Variants in VPS13A observed in about 807,000 individuals in gnomAD.
VPS13A encodes vacuolar protein sorting 13 homolog A, also known as intermembrane lipid transfer protein VPS13A.
In VPS13A, 264 loss-of-function variants were observed where a neutral mutation model predicts 390.9. The ratio of observed to expected loss-of-function variants is 0.68; its 90% CI spans 0.61 to 0.75. The LOEUF is 0.75. VPS13A is among the 30% of genes least tolerant of loss of function. VPS13A has a pLI of 0.00. For missense variants in VPS13A, 3,409 were observed against 3,733.9 expected, an observed-to-expected ratio of 0.91 and a Z score of 2.27; for synonymous variants, 1,231 against 1,227.1, an observed-to-expected ratio of 1.00 and a Z score of -0.07.
Position 77,285,623 on chromosome 9 carries a change from A to C in VPS13A, c.3339+1973A>C, listed in dbSNP as rs1442273071. Reference sequence around the variant, plus strand: ...ACTTTTCTGGCCTTGTTATTAGGCCAACACTTGCTTCATGAAATGAGTTGG... The same window carrying C: ...ACTTTTCTGGCCTTGTTATTAGGCCCACACTTGCTTCATGAAATGAGTTGG... On this transcript the variant is annotated intron_variant, in intron 31 of 71. Transcript: ENST00000360280. Among the ~76,000 whole-genome samples, 7 of 152,216 alleles carry C rather than the reference A, an allele frequency of 4.6e-5. 1 individual carries two copies. Among genetic ancestry groups the C allele is most frequent in the Admixed American group, 4.6e-4 (7 of 15,284 alleles).
intron 25 of VPS13A, 74 bp from the exon 26 acceptor site, chr9:77,275,991 C>T (rs1826641065): frequency 6.8e-7 from 1 of 1,481,124 alleles, no homozygotes; most frequent in African/African-American, 1.4e-5. Context: ...CTCATATATT[C>T]ACATGTAACC....
At chr9:77,227,642 G>A (rs1823591114) in intron 16 of VPS13A, among the ~76,000 whole-genome samples, 157 bp downstream of exon 16, 4 of 151,642 alleles carry the variant, frequency 2.6e-5, no homozygotes, top group Middle Eastern at 6.8e-3. Flanking sequence ...TCAGCCTCTC[G>A]AATAGCTGGA....
intron 21 of VPS13A, among the ~76,000 whole-genome samples, chr9:77,251,848 A>T (rs1037186806): frequency 6.6e-6 from 1 of 152,152 alleles, no homozygotes; most frequent in Non-Finnish European, 1.5e-5. Context: ...TTTGAGTCTC[A>T]GTTTTCTAAA....
rs1000198120 is a variant in VPS13A, at chr9:77,421,149, G to A, written c.*5143G>A. ...GAAATAGCCTGTGCTGCTTTGGAAT[G>A]CTTATTCTTTCTTTGATGAAAATAC... On this transcript the variant is annotated 3_prime_UTR_variant, in exon 72 of 72. Transcript: ENST00000360280. 1.3e-5 allele frequency: 2 copies of A among 152,156 alleles called. No homozygotes were observed. The highest frequency in any genetic ancestry group is 2.4e-5 in the African/African-American group (1 of 41,450). The allele number at this position is 152,156 out of a possible 1,614,324, so 9.4% of individuals were successfully genotyped here. A position where few individuals can be genotyped will look rare whatever the true frequency, so the allele number is the denominator to read the frequency against.
intron 1 of VPS13A, among the ~76,000 whole-genome samples, chr9:77,184,070 T>C (rs1231981391): frequency 6.6e-6 from 1 of 152,222 alleles, no homozygotes; most frequent in African/African-American, 2.4e-5. Flanking sequence ...TTTTTTCCTT[T>C]TGAGGTAAAA....
chr9:77,391,668 AAGT>A (rs1833907234), intron 68 of VPS13A, among the ~76,000 whole-genome samples: 1 of 152,350 alleles, frequency 6.6e-6, no homozygotes, highest in East Asian at 1.9e-4. Context: ...CTTCAAGTCT[AAGT>A]AGTTTGAGTT....
chr9:77,316,713 A>G (rs1829411876), intron 39 of VPS13A, among the ~76,000 whole-genome samples: 1 of 151,956 alleles, frequency 6.6e-6, no homozygotes. Context: ...TGCTCTTTGG[A>G]CTTTTAAGAC....
At chr9:77,210,110 T>G (rs1467565914) in intron 6 of VPS13A, among the ~76,000 whole-genome samples, 1 of 151,946 alleles carries the variant, frequency 6.6e-6, no homozygotes, top group Non-Finnish European at 1.5e-5. Context: ...ATGTTTGAAA[T>G]AAGTTACTTC....
At chr9:77,338,773 G>T (rs1429779099) in intron 47 of VPS13A, 1 of 152,186 alleles carries the variant, frequency 6.6e-6, no homozygotes, top group Non-Finnish European at 1.5e-5. Context: ...GGAAAAACTG[G>T]TGAGATATTC....
chr9:77,283,618 T>C lies in VPS13A; in HGVS notation c.3307T>C (p.Leu1103=). The stretch of plus-strand genomic sequence containing the variant: ...CGCAAAGCTAAGGAATATAATTGTT[T>C]TAGATTCTGATATAACAGCTATATA... The part of the protein sequence containing the change: ...INAKLRNIIV[L]DSDITAIYKK... The change falls in exon 31 of 72, where the codon TTA becomes CTA. Residue 1103 remains leucine (L), a synonymous_variant. Transcript: ENST00000360280. 2 of 1,612,664 alleles carry C rather than the reference T, an allele frequency of 1.2e-6. No homozygotes were observed. Among genetic ancestry groups the C allele is most frequent in the Non-Finnish European group, 1.7e-6 (2 of 1,179,182 alleles).
chr9:77,321,411 T>C, intron 43 of VPS13A, 80 bp from the exon 44 acceptor site: 1 of 1,583,848 alleles, frequency 6.3e-7, no homozygotes, highest in Non-Finnish European at 8.7e-7. Context: ...AATAACTTAG[T>C]TGTCATTTGT....
intron 5 of VPS13A, among the ~76,000 whole-genome samples, chr9:77,209,061 T>C (rs1252163139): frequency 1.3e-5 from 2 of 152,178 alleles, no homozygotes; most frequent in Non-Finnish European, 2.9e-5. Context: ...TATCACTAAT[T>C]TTGAGAGAGA....
chr9:77,310,929 A>ATTT (rs764142410), intron 35 of VPS13A, among the ~76,000 whole-genome samples: 1 of 145,924 alleles, frequency 6.9e-6, no homozygotes, highest in East Asian at 2.0e-4. Context: ...ACTTTCACTA[A>ATTT]TTTTTTTTTT....
intron 17 of VPS13A, among the ~76,000 whole-genome samples, chr9:77,232,246 G>T (rs1823872378): frequency 6.6e-6 from 1 of 152,148 alleles, no homozygotes. Context: ...GCTGTTCAAG[G>T]GTTGCTTACA....
At chr9:77,377,879 C>T (rs1563975321) in intron 67 of VPS13A, among the ~76,000 whole-genome samples, 1 of 152,116 alleles carries the variant, frequency 6.6e-6, no homozygotes, top group East Asian at 1.9e-4. Flanking sequence ...ATCATGAAAA[C>T]ATGTTAGATT....
chr9:77,214,149 G>T (rs1002630449), intron 9 of VPS13A, among the ~76,000 whole-genome samples, 180 bp from the exon 10 acceptor site: 6 of 152,058 alleles, frequency 3.9e-5, no homozygotes, highest in Admixed American at 2.6e-4. Flanking sequence ...GGTGGGGCAC[G>T]TCTGTAATCC....
chr9:77,397,803 T>G (rs1834179141), intron 68 of VPS13A, among the ~76,000 whole-genome samples: 2 of 152,216 alleles, frequency 1.3e-5, no homozygotes, highest in African/African-American at 4.8e-5. Context: ...ATTCTGACAA[T>G]TGTATATAAT....
At chr9:77,236,176 A>G (rs989905821) in intron 17 of VPS13A, among the ~76,000 whole-genome samples, 2 of 152,222 alleles carry the variant, frequency 1.3e-5, no homozygotes, top group Non-Finnish European at 2.9e-5. Context: ...TAACCCCATT[A>G]TAAGTCAAGG....
intron 35 of VPS13A, among the ~76,000 whole-genome samples, chr9:77,313,491 G>A (rs956287398): frequency 6.6e-6 from 1 of 152,110 alleles, no homozygotes; most frequent in Non-Finnish European, 1.5e-5. Flanking sequence ...AGAAAGTGCT[G>A]CGTTTTCATT....
Sources: gnomAD v4.1 joint callset for allele counts (sites outside exome capture counted in the v4.1 genomes callset) on GRCh38, gnomAD v4.1.1 for gene constraint, MANE v1.5 for transcripts, NCBI Gene and HGNC (gene_info 2026-07-23, HGNC 2026-07-21) for gene names.